GFM2: variants seen among roughly 807,000 people sequenced by gnomAD.
GFM2 encodes the protein ribosome-releasing factor 2, mitochondrial.
GFM2 carries 72 observed loss-of-function variants against 95.4 expected under a neutral mutation model. That is an observed-to-expected ratio of 0.76 (90% CI 0.62 to 0.92). The LOEUF (loss-of-function observed/expected upper bound fraction) is 0.92. Ranked by LOEUF, GFM2 falls within the 40% of genes least tolerant of loss-of-function variation. The pLI is 0.00. For synonymous variants in GFM2, 276 were observed against 317.5 expected (o/e 0.87, Z 1.39); for missense variants, 825 against 924.1 (o/e 0.89, Z 1.39).
chr5:74,721,635 C>T lies in GFM2; in HGVS notation c.*20G>A. 1 of 1,602,984 alleles carries T rather than the reference C, an allele frequency of 6.2e-7. No individual in the cohort carries two copies. ...GAAGTAGCTAGGTGCTCCTGAATTT[C>T]TCTCCAAAAACTAAAACATTTAGGT... is the stretch of plus-strand genomic sequence containing the variant. On this transcript the variant is annotated 3_prime_UTR_variant, in exon 21 of 21. Coordinates refer to ENST00000296805, the MANE Select transcript of GFM2 (RefSeq NM_032380.5).
At chr5:74,765,196 TAA>T in intron 1 of GFM2, 2 of 953,156 alleles carry the variant, frequency 2.1e-6, no homozygotes, top group Non-Finnish European at 2.6e-6. Context: ...TGGTTGTCAA[TAA>T]AAAGATAATT....
At position 74,746,085 on chromosome 5, in the gene GFM2, G is replaced by A. The variant is rs1162553310; in HGVS notation, c.669+20C>T. 2 of 1,485,420 alleles carry A rather than the reference G, an allele frequency of 1.3e-6. No homozygotes were observed. Among genetic ancestry groups the A allele is most frequent in the Middle Eastern group, 3.6e-4 (2 of 5,602 alleles). The allele number at this position is 1,485,420 out of a possible 1,614,324, so 92.0% of individuals were successfully genotyped here. The stretch of plus-strand genomic sequence containing the variant: ...TTAATGAGGAAACTGAGAAGAAGCT[G>A]ATGCTATTAACCAATTTACCTGTAA... On this transcript the variant is annotated intron_variant, in intron 9 of 20. Coordinates refer to ENST00000296805, the MANE Select transcript of GFM2 (RefSeq NM_032380.5).
At chr5:74,758,176 C>T (rs1337651665) in intron 5 of GFM2, among the ~76,000 whole-genome samples, 1 of 152,038 alleles carries the variant, frequency 6.6e-6, no homozygotes, top group Non-Finnish European at 1.5e-5. Context: ...CTTCTGGTTA[C>T]TTTTTTTGGT....
Position 74,730,205 on chromosome 5 carries a change from GAGAA to G in GFM2, c.1726+51_1726+54del, listed in dbSNP as rs957359315. On this transcript the variant is annotated intron_variant, in intron 17 of 20. Coordinates refer to ENST00000296805, the MANE Select transcript of GFM2 (RefSeq NM_032380.5). ...GAACACTGCTTTCAGCAACTAAATA[GAGAA>G]AGAAAGACAGAAAGAGAGAAAAAGC... 3.2e-4 allele frequency: 480 copies of G among 1,510,218 alleles called. 1 individual carries two copies. The South Asian group carries it at 5.9e-3, about 19-fold the overall frequency. The allele number at this position is 1,510,218 out of a possible 1,614,324, so 93.6% of individuals were successfully genotyped here.
At chr5:74,749,952 T>G (rs1743610730) in intron 7 of GFM2, among the ~76,000 whole-genome samples, 1 of 152,198 alleles carries the variant, frequency 6.6e-6, no homozygotes, top group Admixed American at 6.5e-5. Flanking sequence ...AATTAATTTT[T>G]GTGTATGATG....
At chr5:74,732,074 C>T (rs1742592982) in intron 16 of GFM2, among the ~76,000 whole-genome samples, 1 of 150,902 alleles carries the variant, frequency 6.6e-6, no homozygotes, top group African/African-American at 2.4e-5. Flanking sequence ...CCCACCTCAG[C>T]ATCCTGAGTC....
chr5:74,734,549 A>T (rs1029618432), intron 15 of GFM2, among the ~76,000 whole-genome samples: 3 of 152,098 alleles, frequency 2.0e-5, no homozygotes, highest in Admixed American at 1.3e-4. Context: ...ATCCCAAGAG[A>T]TGTGTATGTA....
chr5:74,751,024 G>A (rs1743674435), intron 6 of GFM2, among the ~76,000 whole-genome samples: 1 of 152,058 alleles, frequency 6.6e-6, no homozygotes, highest in Non-Finnish European at 1.5e-5. Context: ...AATCACAAGA[G>A]GACAAATACG....
Position 74,750,596 on chromosome 5 carries a change from C to T in GFM2, c.502G>A (p.Ala168Thr). 1 of 1,611,886 alleles carries T rather than the reference C, an allele frequency of 6.2e-7. No individual in the cohort carries two copies. The highest frequency in any genetic ancestry group is 1.1e-5 in the South Asian group (1 of 90,974). The change falls in exon 7 of 21, where the codon GCC becomes ACC. Residue 168 changes from alanine (A) to threonine (T), a missense_variant. By Grantham distance (58) the Ala-to-Thr change is moderately conservative (BLOSUM62 0). Coordinates refer to ENST00000296805, the MANE Select transcript of GFM2 (RefSeq NM_032380.5). ...TTATTTACCTCTACACCAGCAGAGG[C>T]ATCAAATACAGCCACTGCACCATCC... Reference protein sequence around the residue: ...VLDGAVAVFDASAGVEAQTLT... With the variant: ...VLDGAVAVFDTSAGVEAQTLT...
intron 10 of GFM2, among the ~76,000 whole-genome samples, chr5:74,742,525 A>T (rs1166533416): frequency 6.6e-6 from 1 of 152,230 alleles, no homozygotes; most frequent in Non-Finnish European, 1.5e-5. Flanking sequence ...AAGAATATAT[A>T]CTAGTGTATA....
chr5:74,740,019 G>T lies in GFM2; in HGVS notation c.1049C>A (p.Pro350His). The change falls in exon 12 of 21, where the codon CCT becomes CAT. Residue 350 changes from proline (P) to histidine (H), a missense_variant. Physicochemically the swap from Pro to His is moderately conservative, Grantham distance 77. Coordinates refer to ENST00000296805, the MANE Select transcript of GFM2 (RefSeq NM_032380.5). Reference protein sequence around the residue: ...PLLDAVTMYLPSPEERNYEFL... With the variant: ...PLLDAVTMYLHSPEERNYEFL... The stretch of plus-strand genomic sequence containing the variant: ...TTCATAGTTACGCTCTTCAGGTGAA[G>T]GTAAGTACATAGTAACAGCATCTAA... 6.3e-7 allele frequency: 1 copy of T among 1,586,676 alleles called. No homozygotes were observed. Among genetic ancestry groups the T allele is most frequent in the East Asian group, 2.3e-5 (1 of 43,564 alleles).
rs542369934 is a variant in GFM2, at chr5:74,724,394, T to C, written c.2028+1246A>G. 2.7e-4 allele frequency among the ~76,000 whole-genome samples: 41 copies of C among 151,976 alleles called. No individual in the cohort carries two copies. In the East Asian group the frequency reaches 7.8e-3, roughly 29 times the overall value. Reference sequence around the variant, plus strand: ...CACCTGTAATCCTAGCACTTTGGGTTTGGGAGGCCGAGGTTGGCAGACTGC... The same window carrying C: ...CACCTGTAATCCTAGCACTTTGGGTCTGGGAGGCCGAGGTTGGCAGACTGC... On this transcript the variant is annotated intron_variant, in intron 19 of 20. Transcript: ENST00000296805.
chr5:74,763,408 C>CT (rs1462349025), intron 2 of GFM2, among the ~76,000 whole-genome samples: 1 of 152,316 alleles, frequency 6.6e-6, no homozygotes, highest in South Asian at 2.1e-4. Context: ...ATATAAAACC[C>CT]TACCCCTCCT....
rs933669743 is a variant in GFM2 at position 74,741,555 on chromosome 5, T to A, written c.904A>T (p.Asn302Tyr). Residue 302 changes from asparagine to tyrosine, a missense_variant, in exon 11 of 21, where the codon AAT (asparagine) becomes TAT (tyrosine). By Grantham distance (143) the Asn-to-Tyr change is moderately radical (BLOSUM62 -2). Coordinates refer to ENST00000296805, the MANE Select transcript of GFM2 (RefSeq NM_032380.5). Reference protein sequence around the residue: ...ADLVLEEFSENFDLLPAEKLQ... With the variant: ...ADLVLEEFSEYFDLLPAEKLQ... The stretch of plus-strand genomic sequence containing the variant: ...TTTTCAGCTGGTAACAAATCAAAAT[T>A]CTCACTAAATTCTTCTAAAACCAAG... 3 of 1,577,774 alleles carry A rather than the reference T, an allele frequency of 1.9e-6. No individual in the cohort carries two copies. The highest frequency in any genetic ancestry group is 2.6e-6 in the Non-Finnish European group (3 of 1,152,602).
chr5:74,721,261 T>TTTGAATAAAATATTTTTATTGA lies in GFM2; in HGVS notation c.*372_*393dup, dbSNP rs1193293590. 9.2e-7 allele frequency: 1 copy of TTTGAATAAAATATTTTTATTGA among 1,092,018 alleles called. No homozygotes were observed. Among genetic ancestry groups the TTTGAATAAAATATTTTTATTGA allele is most frequent in the Non-Finnish European group, 1.4e-6 (1 of 712,244 alleles). The allele number at this position is 1,092,018 out of a possible 1,614,324, so 67.6% of individuals were successfully genotyped here. On this transcript the variant is annotated 3_prime_UTR_variant, in exon 21 of 21. Coordinates refer to ENST00000296805, the MANE Select transcript of GFM2 (RefSeq NM_032380.5). ...TGTAAAATAAGATATTAGACTGTTT[T>TTTGAATAAAATATTTTTATTGA]TTGAATAAAATATTTTTATTGATTG... is the stretch of plus-strand genomic sequence containing the variant.
At chr5:74,763,830 T>C (rs943858336) in intron 1 of GFM2, 64 bp from the exon 2 acceptor site, 4 of 934,600 alleles carry the variant, frequency 4.3e-6, no homozygotes, top group Non-Finnish European at 7.0e-6. Context: ...GCAAGGCATA[T>C]GTAAGTTAGA....
chr5:74,730,257 T>C lies in GFM2; in HGVS notation c.1726+3A>G. The C allele has an allele frequency of 1.3e-6, 2 of 1,597,118 alleles. No homozygotes were observed. The highest frequency in any genetic ancestry group is 1.7e-6 in the Non-Finnish European group (2 of 1,175,370). ...AGCAAATCCTAAATGTTTTACTTTT[T>C]ACCTGTGGCACGAACTGAGTTTAGG... On this transcript the variant is annotated splice_donor_region_variant and intron_variant, in intron 17 of 20. Transcript: ENST00000296805.
At chr5:74,738,663 A>C (rs538761639) in intron 12 of GFM2, 21 bp from the exon 13 acceptor site, 120 of 1,586,742 alleles carry the variant, frequency 7.6e-5, no homozygotes, top group Non-Finnish European at 9.8e-5. Flanking sequence ...AACATTCCAA[A>C]AAGGCCTATA....
chr5:74,722,128 A>T (rs1184544314), intron 20 of GFM2, among the ~76,000 whole-genome samples: 2 of 152,188 alleles, frequency 1.3e-5, no homozygotes, highest in Non-Finnish European at 2.9e-5. Context: ...TTGGCAGGGA[A>T]AAAATGGTCA....
Sources: allele counts gnomAD v4.1 joint callset (sites outside exome capture counted in the v4.1 genomes callset), GRCh38; gene constraint gnomAD v4.1.1; transcripts MANE v1.5; gene names NCBI Gene and HGNC (gene_info 2026-07-23, HGNC 2026-07-21).